RREB1: variants seen among roughly 807,000 people sequenced by gnomAD.
RREB1 encodes ras-responsive element-binding protein 1.
RREB1 carries 27 observed loss-of-function variants against 117.8 expected under a neutral mutation model. The observed-to-expected ratio is 0.23, with a 90% confidence interval of 0.17 to 0.32. The LOEUF is 0.32. Ranked by LOEUF, RREB1 falls within the 10% of genes least tolerant of loss-of-function variation. RREB1 has a pLI of 1.00. For missense variants in RREB1, 2,577 were observed against 2,378.2 expected, an observed-to-expected ratio of 1.08 and a Z score of -1.74; for synonymous variants, 1,298 against 1,026.7, an observed-to-expected ratio of 1.26 and a Z score of -5.05.
At chr6:7,143,186 A>G (rs1032199038) in intron 1 of RREB1, among the ~76,000 whole-genome samples, 4 of 152,334 alleles carry the variant, frequency 2.6e-5, no homozygotes, top group Middle Eastern at 3.4e-3. Flanking sequence ...AGTGTTTTCT[A>G]TTAAGTGAGG....
chr6:7,112,012 C>A (rs60150849), intron 1 of RREB1, among the ~76,000 whole-genome samples: 14 of 152,178 alleles, frequency 9.2e-5, no homozygotes, highest in African/African-American at 3.4e-4. Context: ...GGGACAATAG[C>A]TTTCTTTCCC....
intron 1 of RREB1, among the ~76,000 whole-genome samples, chr6:7,160,485 T>C (rs1002204519): frequency 5.3e-5 from 8 of 152,166 alleles, no homozygotes; most frequent in Admixed American, 3.9e-4. Flanking sequence ...TTGACCTAAC[T>C]TTATAAACAT....
At chr6:7,197,160 G>C (rs193015375) in intron 6 of RREB1, among the ~76,000 whole-genome samples, 14 of 152,292 alleles carry the variant, frequency 9.2e-5, no homozygotes. Flanking sequence ...TGAAACAGAG[G>C]ATAGAAATGT....
At chr6:7,151,070 T>C (rs1216783821) in intron 1 of RREB1, among the ~76,000 whole-genome samples, 1 of 152,186 alleles carries the variant, frequency 6.6e-6, no homozygotes, top group Non-Finnish European at 1.5e-5. Flanking sequence ...GAGCTGCTTT[T>C]TCAGTTAATA....
chr6:7,161,867 G>T (rs1030871098), intron 1 of RREB1, among the ~76,000 whole-genome samples: 1 of 152,078 alleles, frequency 6.6e-6, no homozygotes, highest in Non-Finnish European at 1.5e-5. Flanking sequence ...CCTCCTAACT[G>T]GGTTATATAC....
intron 11 of RREB1, 136 bp from the exon 12 acceptor site, chr6:7,246,288 T>C (rs1769012817): frequency 1.4e-6 from 1 of 692,736 alleles, no homozygotes; most frequent in Admixed American, 3.5e-5. Context: ...GTGGTGAGGA[T>C]TTGGGCCGAA....
intron 1 of RREB1, among the ~76,000 whole-genome samples, chr6:7,112,756 G>A (rs1761205369): frequency 6.6e-6 from 1 of 152,238 alleles, no homozygotes; most frequent in African/African-American, 2.4e-5. Flanking sequence ...GAATGAGGAA[G>A]GTGGAGAGGG....
In RREB1 at chr6:7,189,273, A is replaced by C. The variant is rs1765269648; in HGVS notation, c.376A>C (p.Lys126Gln). Residue 126 changes from lysine (K) to glutamine (Q), a missense_variant, in exon 6 of 13, where the codon AAG becomes CAG. Transcript: ENST00000379938. ...MLVHSGERPY[K>Q]CTVCGQSFTT... ...GGTGCACTCTGGCGAGAGGCCTTAC[A>C]AGTGCACTGTGTGTGGCCAGTCATT... 6.2e-7 allele frequency: 1 copy of C among 1,605,902 alleles called. No individual in the cohort carries two copies. Among genetic ancestry groups the C allele is most frequent in the Non-Finnish European group, 8.5e-7 (1 of 1,175,752 alleles).
chr6:7,182,464 C>A (rs1381774406), intron 4 of RREB1, among the ~76,000 whole-genome samples: 1 of 152,162 alleles, frequency 6.6e-6, no homozygotes, highest in Admixed American at 6.5e-5. Context: ...TAAGTATTGC[C>A]TGTGCTAGGG....
chr6:7,144,659 TAATG>T (rs1384413967), intron 1 of RREB1, among the ~76,000 whole-genome samples: 2 of 152,212 alleles, frequency 1.3e-5, no homozygotes, highest in Non-Finnish European at 2.9e-5. Flanking sequence ...GTATTTTAGT[TAATG>T]AAGTATATTT....
In RREB1 at chr6:7,116,893, T is replaced by G. The variant is rs1243276123; in HGVS notation, c.-285+8833T>G. ...CATGGCTCTTGATTTGAAGTTTACA[T>G]TAAATAGGAGAGATGGGCACACAGA... is the stretch of plus-strand genomic sequence containing the variant. On this transcript the variant is annotated intron_variant, in intron 1 of 12. Transcript: ENST00000379938. Among the ~76,000 whole-genome samples, 4 of 152,226 alleles carry G rather than the reference T, an allele frequency of 2.6e-5. No individual in the cohort carries two copies. The South Asian group carries it at 6.2e-4, about 24-fold the overall frequency.
Position 7,229,434 on chromosome 6 carries a change from C to A in RREB1, c.1335C>A (p.Gly445=). 6.2e-7 allele frequency: 1 copy of A among 1,614,226 alleles called. No homozygotes were observed. The highest frequency in any genetic ancestry group is 1.3e-5 in the African/African-American group (1 of 75,068). The change falls in exon 10 of 13, where the codon GGC becomes GGA. Residue 445 remains glycine, a synonymous_variant. Transcript: ENST00000379938. The surrounding 1 kb of genome is among the most constrained non-coding windows in gnomAD (Gnocchi z 4.5). ...KHLSLQPFQK[G]FIIQPDSSIV... is the part of the protein sequence containing the mutation. ...TGTCCCTGCAGCCCTTCCAGAAGGGCTTCATCATCCAGCCTGACAGCAGCA... is the reference window on the plus strand; with the variant it reads ...TGTCCCTGCAGCCCTTCCAGAAGGGATTCATCATCCAGCCTGACAGCAGCA...
At position 7,230,019 on chromosome 6, in the gene RREB1, G is replaced by T. The variant is rs144988065; in HGVS notation, c.1920G>T (p.Lys640Asn). ...GCAAGAAGACGCCCGCCATGCGCAA[G>T]GTGCTCTACCCCTGCCGCTTCTGCA... is the stretch of plus-strand genomic sequence containing the variant. The part of the protein sequence containing the change: ...PGGKKTPAMR[K>N]VLYPCRFCNQ... The change falls in exon 10 of 13, where the codon AAG becomes AAT. Residue 640 changes from lysine (K) to asparagine (N), a missense_variant. Physicochemically the swap from Lys to Asn is moderately conservative, Grantham distance 94. Coordinates refer to ENST00000379938, the MANE Select transcript of RREB1 (RefSeq NM_001003699.4). 2.2e-4 allele frequency: 354 copies of T among 1,610,560 alleles called. No individual in the cohort carries two copies. The highest frequency in any genetic ancestry group is 2.8e-4 in the Non-Finnish European group (330 of 1,177,670).
rs564684259 is a variant in RREB1 at position 7,250,574 on chromosome 6, G to C, written c.*1606G>C. The C allele has an allele frequency of 6.6e-6, 1 of 152,032 alleles. No individual in the cohort carries two copies. The highest frequency in any genetic ancestry group is 2.1e-4 in the South Asian group (1 of 4,814). 9.4% of individuals were successfully genotyped at this position (152,032 alleles called of 1,614,324 possible). ...CCTGCTGCTGGGGACCCCTGTGCTT[G>C]CTGCAGTGTATGGAGCCTCTTGCCT... On this transcript the variant is annotated 3_prime_UTR_variant, in exon 13 of 13. Coordinates refer to ENST00000379938, the MANE Select transcript of RREB1 (RefSeq NM_001003699.4).
chr6:7,168,594 A>G (rs2113487820), intron 1 of RREB1, among the ~76,000 whole-genome samples: 1 of 152,320 alleles, frequency 6.6e-6, no homozygotes. Context: ...GGTTTAAAGA[A>G]TCATGGAGCT....
At chr6:7,218,632 G>A (rs1244267380) in intron 8 of RREB1, 8 of 152,132 alleles carry the variant, frequency 5.3e-5, no homozygotes, top group African/African-American at 1.9e-4. Context: ...CCTTTTCAGG[G>A]CTGATGCTTT....
intron 1 of RREB1, among the ~76,000 whole-genome samples, chr6:7,141,448 G>A (rs1561740476): frequency 6.6e-6 from 1 of 152,190 alleles, no homozygotes; most frequent in Non-Finnish European, 1.5e-5. Flanking sequence ...TAGAAGATGA[G>A]TGTGCTTGGA....
chr6:7,172,889 A>G (rs1349875077), intron 1 of RREB1, among the ~76,000 whole-genome samples: 1 of 152,170 alleles, frequency 6.6e-6, no homozygotes, highest in Non-Finnish European at 1.5e-5. Context: ...CCCTCGTGGA[A>G]CATTTAGCCT....
chr6:7,219,989 C>T (rs997298002), intron 8 of RREB1, among the ~76,000 whole-genome samples: 1 of 152,182 alleles, frequency 6.6e-6, no homozygotes, highest in Non-Finnish European at 1.5e-5. Flanking sequence ...CTCTGCTGTT[C>T]CAGGGAGCCC....
Sources: gnomAD v4.1 joint callset for allele counts (sites outside exome capture counted in the v4.1 genomes callset) on GRCh38, gnomAD v4.1.1 for gene constraint, Gnocchi (gnomAD v3.1) non-coding constraint, MANE v1.5 for transcripts, NCBI Gene and HGNC (gene_info 2026-07-23, HGNC 2026-07-21) for gene names.